The following ITGB4 variants were observed in gnomAD, a reference collection of about 807,000 sequenced individuals.
ITGB4 encodes the protein integrin subunit beta 4, also known as integrin beta-4.
ITGB4 carries 159 observed loss-of-function variants against 207.6 expected under a neutral mutation model. The ratio of observed to expected loss-of-function variants is 0.77; its 90% CI spans 0.67 to 0.87. The LOEUF (loss-of-function observed/expected upper bound fraction) is 0.87, where lower values mean the gene tolerates loss of function less well. Ranked by LOEUF, ITGB4 falls within the 40% of genes least tolerant of loss-of-function variation. The pLI is 0.00. For synonymous variants in ITGB4, 1,020 were observed against 1,062.7 expected (o/e 0.96, Z 0.78); for missense variants, 2,278 against 2,546.8 (o/e 0.89, Z 2.27).
intron 34 of ITGB4, 46 bp downstream of exon 34, chr17:75,754,861 T>C: frequency 6.2e-7 from 1 of 1,613,072 alleles, no homozygotes. Context: ...ACCCTTCCTC[T>C]CTTCCAGCTC....
At chr17:75,735,362 C>T (rs1041100205) in intron 13 of ITGB4, among the ~76,000 whole-genome samples, 1 of 150,378 alleles carries the variant, frequency 6.6e-6, no homozygotes, top group Admixed American at 6.7e-5. Context: ...TGTGGGATTA[C>T]AGGTGTGAGC....
rs750917868 is a variant in ITGB4 at position 75,752,309 on chromosome 17, G to A, written c.3929G>A (p.Arg1310Gln). Residue 1310 changes from arginine to glutamine, a missense_variant, in exon 31 of 40, where the codon CGG becomes CAG. Physicochemically the swap from Arg to Gln is conservative, Grantham distance 43. Transcript: ENST00000200181. Reference sequence around the variant, plus strand: ...AACGGGGCCGGCTGGGGGCCTGAGCGGGAGGCCATCATCAACCTGGCCACC... The same window carrying A: ...AACGGGGCCGGCTGGGGGCCTGAGCAGGAGGCCATCATCAACCTGGCCACC... ...ARNGAGWGPE[R>Q]EAIINLATQP... The A allele has an allele frequency of 8.1e-6, 13 of 1,612,960 alleles. No individual in the cohort carries two copies. Among genetic ancestry groups the A allele is most frequent in the East Asian group, 2.2e-5 (1 of 44,900 alleles).
chr17:75,740,365 C>T lies in ITGB4; in HGVS notation c.2454C>T (p.Tyr818=), dbSNP rs61735294. ...ASINPTELVP[Y]GLSLRLARLC... Reference sequence around the variant, plus strand: ...CCCACCGCCTTTCCTTAGTGCCCTACGGGCTGTCCTTGCGCCTGGCCCGCC... The same window carrying T: ...CCCACCGCCTTTCCTTAGTGCCCTATGGGCTGTCCTTGCGCCTGGCCCGCC... Residue 818 remains tyrosine, a synonymous_variant, in exon 21 of 40, where the codon TAC becomes TAT. Coordinates refer to ENST00000200181, the MANE Select transcript of ITGB4 (RefSeq NM_000213.5). The surrounding 1 kb of genome is among the most constrained non-coding windows in gnomAD (Gnocchi z 5.9). 3.4e-5 allele frequency: 55 copies of T among 1,613,220 alleles called. No individual in the cohort carries two copies. In the African/African-American group the frequency reaches 3.6e-4, roughly 11 times the overall value.
chr17:75,754,567 C>CGA lies in ITGB4; in HGVS notation c.4319-9_4319-8insGA, dbSNP rs1285120626. The CGA allele has an allele frequency of 2.5e-6, 4 of 1,613,354 alleles. No individual in the cohort carries two copies. The highest frequency in any genetic ancestry group is 3.4e-6 in the Non-Finnish European group (4 of 1,179,974). On this transcript the variant is annotated splice_polypyrimidine_tract_variant and intron_variant, in intron 33 of 39. Transcript: ENST00000200181. ...GGCCTGACCAAGGGACCCTGCTCTCCCCCTGCAGAGCACCTGGTGAATGGC... is the reference window on the plus strand; with the variant it reads ...GGCCTGACCAAGGGACCCTGCTCTCCGACCCTGCAGAGCACCTGGTGAATGGC...
chr17:75,728,186 C>G (rs985562637), intron 5 of ITGB4, among the ~76,000 whole-genome samples, 191 bp from the exon 6 acceptor site: 1 of 152,254 alleles, frequency 6.6e-6, no homozygotes, highest in African/African-American at 2.4e-5. Flanking sequence ...GTACGCATAA[C>G]TCCAGACCCC....
Position 75,733,639 on chromosome 17 carries a change from T to C in ITGB4, c.1604T>C (p.Phe535Ser). 1 of 1,614,220 alleles carries C rather than the reference T, an allele frequency of 6.2e-7. No individual in the cohort carries two copies. Among genetic ancestry groups the C allele is most frequent in the Non-Finnish European group, 8.5e-7 (1 of 1,180,040 alleles). Reference protein sequence around the residue: ...CYGEGRYEGQFCEYDNFQCPR... With the variant: ...CYGEGRYEGQSCEYDNFQCPR... ...GGCGAAGGCCGCTACGAGGGTCAGT[T>C]CTGCGAGTATGACAACTTCCAGTGT... Residue 535 changes from phenylalanine (F) to serine (S), a missense_variant, in exon 13 of 40, where the codon TTC becomes TCC. Transcript: ENST00000200181.
rs1230692884 is a variant in ITGB4 at position 75,732,156 on chromosome 17, A to G, written c.1378-7A>G. ...GACGCACCCCACCATGGTCTCTCTC[A>G]TTCCAGCAAAAAGAGGTGCGGTCAG... On this transcript the variant is annotated splice_polypyrimidine_tract_variant and splice_region_variant and intron_variant, in intron 11 of 39. Transcript: ENST00000200181. The surrounding 1 kb of genome is among the most constrained non-coding windows in gnomAD (Gnocchi z 5.3). 3.1e-6 allele frequency: 5 copies of G among 1,613,824 alleles called. No homozygotes were observed. Among genetic ancestry groups the G allele is most frequent in the African/African-American group, 1.3e-5 (1 of 74,918 alleles).
intron 13 of ITGB4, among the ~76,000 whole-genome samples, chr17:75,735,726 T>A (rs1218813356): frequency 6.6e-6 from 1 of 152,220 alleles, no homozygotes; most frequent in Non-Finnish European, 1.5e-5. Context: ...TCTTACCTTC[T>A]AATGCTTATA....
At chr17:75,733,046 C>T (rs1355216632) in intron 12 of ITGB4, among the ~76,000 whole-genome samples, 1 of 151,772 alleles carries the variant, frequency 6.6e-6, no homozygotes, top group East Asian at 1.9e-4. Context: ...GATCGCGCCA[C>T]TGCACTCCAG....
At chr17:75,730,834 A>T in intron 8 of ITGB4, 41 bp from the exon 9 acceptor site, 1 of 1,504,328 alleles carries the variant, frequency 6.6e-7, no homozygotes, top group Non-Finnish European at 9.2e-7. Context: ...GTTCAGATTC[A>T]TGGAGATGCT....
chr17:75,723,937 G>A (rs2060666142), intron 1 of ITGB4, among the ~76,000 whole-genome samples: 1 of 152,258 alleles, frequency 6.6e-6, no homozygotes, highest in Non-Finnish European at 1.5e-5. Context: ...GAAGGCCGCT[G>A]AGGACTTAGG....
At position 75,749,055 on chromosome 17, in the gene ITGB4, G is replaced by C. The variant is rs746350441; in HGVS notation, c.3316+10G>C. 6 of 1,605,824 alleles carry C rather than the reference G, an allele frequency of 3.7e-6. No homozygotes were observed. Among genetic ancestry groups the C allele is most frequent in the Non-Finnish European group, 5.1e-6 (6 of 1,177,976 alleles). ...ATCATCAGGGACCCAGGTAGGCAGAGCCTGGGGGTCGGCTTAAGCAGGAGG... is the reference window on the plus strand; with the variant it reads ...ATCATCAGGGACCCAGGTAGGCAGACCCTGGGGGTCGGCTTAAGCAGGAGG... On this transcript the variant is annotated intron_variant, in intron 27 of 39. Coordinates refer to ENST00000200181, the MANE Select transcript of ITGB4 (RefSeq NM_000213.5).
At position 75,752,533 on chromosome 17, in the gene ITGB4, G is replaced by A. The variant is rs373278372; in HGVS notation, c.4064G>A (p.Arg1355His). The change falls in exon 32 of 40, where the codon CGC becomes CAC. Residue 1355 changes from arginine (R) to histidine (H), a missense_variant. Physicochemically the swap from Arg to His is conservative, Grantham distance 29. Coordinates refer to ENST00000200181, the MANE Select transcript of ITGB4 (RefSeq NM_000213.5). ...SFLMYSDDVL[R>H]SPSGSQRPSV... ...CTTATGTACAGCGATGACGTTCTAC[G>A]CTCTCCATCGGGCAGCCAGAGGCCC... 166 of 1,613,510 alleles carry A rather than the reference G, an allele frequency of 1.0e-4. 1 individual carries two copies. The highest frequency in any genetic ancestry group is 3.7e-4 in the Admixed American group (22 of 60,000).
intron 26 of ITGB4, among the ~76,000 whole-genome samples, chr17:75,744,149 T>G (rs1320889669): frequency 2.0e-5 from 3 of 148,128 alleles, no homozygotes; most frequent in Non-Finnish European, 4.5e-5. Context: ...AGACAGAGTT[T>G]CGCTCTTGTT....
Position 75,727,774 on chromosome 17 carries a change from GT to G in ITGB4, c.389del (p.Val130GlyfsTer31). On this transcript the variant is annotated frameshift_variant, in exon 5 of 40. Transcript: ENST00000200181. LOFTEE classifies it high-confidence loss of function. This position sits in a 1 kb window ranked among gnomAD's most constrained non-coding sequence, Gnocchi z 6.0. ...GGTGTTTGAGCCACTGGAGAGCCCC[GT>G]GGACCTGTACATCCTCATGGACTTC... ...LEVFEPLESP[V>X]DLYILMDFSN... The G allele has an allele frequency of 6.2e-7, 1 of 1,614,096 alleles. No homozygotes were observed. Among genetic ancestry groups the G allele is most frequent in the South Asian group, 1.1e-5 (1 of 91,068 alleles).
rs2061548558 is a variant in ITGB4 at position 75,757,526 on chromosome 17, C to T, written c.5440C>T (p.His1814Tyr). 2 of 1,613,344 alleles carry T rather than the reference C, an allele frequency of 1.2e-6. No individual in the cohort carries two copies. The highest frequency in any genetic ancestry group is 2.2e-5 in the East Asian group (1 of 44,880). Residue 1814 changes from histidine (H) to tyrosine (Y), a missense_variant, in exon 40 of 40, where the codon CAC becomes TAC. Coordinates refer to ENST00000200181, the MANE Select transcript of ITGB4 (RefSeq NM_000213.5). ...GACCACCAGCGGAACCCTTAGCACC[C>T]ACATGGACCAACAGTTCTTCCAAAC... ...TLTTSGTLSTHMDQQFFQT is the reference protein window; with the variant it reads ...TLTTSGTLSTYMDQQFFQT
Position 75,730,414 on chromosome 17 carries a change from C to T in ITGB4, c.912C>T (p.Tyr304=). 3 of 1,614,060 alleles carry T rather than the reference C, an allele frequency of 1.9e-6. No individual in the cohort carries two copies. The highest frequency in any genetic ancestry group is 2.5e-6 in the Non-Finnish European group (3 of 1,180,028). Residue 304 remains tyrosine, a synonymous_variant, in exon 8 of 40, where the codon TAC becomes TAT. Transcript: ENST00000200181. ...ACACCCAGTACAGGACACAGGACTA[C>T]CCGTCGGTGCCCACCCTGGTGCGCC... is the stretch of plus-strand genomic sequence containing the variant. ...GTYTQYRTQD[Y]PSVPTLVRLL...
intron 1 of ITGB4, among the ~76,000 whole-genome samples, chr17:75,724,468 G>C (rs2060677284): frequency 2.6e-5 from 4 of 152,268 alleles, no homozygotes; most frequent in Admixed American, 2.6e-4. Context: ...GAGGGCTGGA[G>C]GGGGCCTCCC....
At chr17:75,724,835 G>GAA in intron 2 of ITGB4, 53 bp downstream of exon 2, 1 of 1,455,024 alleles carries the variant, frequency 6.9e-7, no homozygotes, top group South Asian at 1.1e-5. Context: ...CCCTTGGGCA[G>GAA]GCATTGCCCT....
Sources: allele counts gnomAD v4.1 joint callset (sites outside exome capture counted in the v4.1 genomes callset), GRCh38; gene constraint gnomAD v4.1.1; non-coding constraint Gnocchi (gnomAD v3.1); transcripts MANE v1.5; gene names NCBI Gene and HGNC (gene_info 2026-07-23, HGNC 2026-07-21).